The following CARD18 variants were observed in gnomAD, a reference collection of about 807,000 sequenced individuals.
The protein encoded by CARD18 is caspase recruitment domain-containing protein 18.
Under a neutral mutation model 7.9 loss-of-function variants are expected in CARD18, and 7 were observed. The ratio of observed to expected loss-of-function variants is 0.88; its 90% CI spans 0.50 to 1.66. CARD18 has a LOEUF of 1.66. CARD18 is among the 40% of genes most tolerant of loss of function. The probability of loss-of-function intolerance (pLI) is 0.00; values close to 1 mark genes in which losing one functional copy is unlikely to be tolerated. For missense variants in CARD18, 134 were observed against 105.5 expected (o/e 1.27, Z -1.18); for synonymous variants, 34 against 34.8 (o/e 0.98, Z 0.08).
rs979825846 is a variant in CARD18, at chr11:105,138,994, T to A, written c.92A>T (p.Glu31Val). The A allele has an allele frequency of 1.2e-5, 20 of 1,613,576 alleles. No homozygotes were observed. Among genetic ancestry groups the A allele is most frequent in the Non-Finnish European group, 1.4e-5 (17 of 1,179,722 alleles). ...GTCTTCCTGGCTAATAACTTCATCC[T>A]CTAATAGGCAATCCAGCAAGGCATT... ...TINALLDCLL[E>V]DEVISQEDMN... The change falls in exon 2 of 3, where the codon GAG becomes GTG. Residue 31 changes from glutamate to valine, a missense_variant. Transcript: ENST00000530950.
At chr11:105,138,598 G>A (rs1865434667) in intron 2 of CARD18, among the ~76,000 whole-genome samples, 1 of 152,090 alleles carries the variant, frequency 6.6e-6, no homozygotes. Flanking sequence ...TTAGAGATGA[G>A]CTGTGGTCAG....
chr11:105,138,804 CACCTT>C lies in CARD18; in HGVS notation c.*1+3_*1+7del, dbSNP rs754478153. 5 of 1,612,664 alleles carry C rather than the reference CACCTT, an allele frequency of 3.1e-6. No homozygotes were observed. The Middle Eastern group carries it at 6.6e-4, about 213-fold the overall frequency. On this transcript the variant is annotated splice_donor_5th_base_variant and intron_variant, in intron 2 of 2. Coordinates refer to ENST00000530950, the MANE Select transcript of CARD18 (RefSeq NM_021571.4). Reference sequence around the variant, plus strand: ...ATTTGGACATTAGGTTGAATCATTCCACCTTACCTTAGTGCAAACCCATCTTTGAG... The same window carrying C: ...ATTTGGACATTAGGTTGAATCATTCCACCTTAGTGCAAACCCATCTTTGAG...
In CARD18 at chr11:105,138,768, A is replaced by C. The variant is rs186990415; in HGVS notation, c.*1+44T>G. 4.4e-6 allele frequency: 7 copies of C among 1,598,580 alleles called. No individual in the cohort carries two copies. The East Asian group carries it at 1.3e-4, about 31-fold the overall frequency. On this transcript the variant is annotated intron_variant, in intron 2 of 2. Transcript: ENST00000530950. ...GAAGAAAATCATAACTGAATTCAAGATACAGGGCCTATTTGGACATTAGGT... is the reference window on the plus strand; with the variant it reads ...GAAGAAAATCATAACTGAATTCAAGCTACAGGGCCTATTTGGACATTAGGT...
intron 2 of CARD18, 113 bp downstream of exon 2, chr11:105,138,699 A>C: frequency 1.7e-6 from 2 of 1,194,726 alleles, no homozygotes. Flanking sequence ...ATGGAGTCTG[A>C]GGCTAAAATG....
chr11:105,138,785 A>C, intron 2 of CARD18, 27 bp downstream of exon 2: 1 of 1,609,774 alleles, frequency 6.2e-7, no homozygotes, highest in Non-Finnish European at 8.5e-7. Context: ...GCCTATTTGG[A>C]CATTAGGTTG....
Position 105,139,738 on chromosome 11 carries a change from T to TTGGCACTTGCAATGTGTG in CARD18, c.-30_-13dup, listed in dbSNP as rs747719625. On this transcript the variant is annotated 5_prime_UTR_variant, in exon 1 of 3. Transcript: ENST00000530950. ...GACTCACCAGCCATGGCTCCTCACG[T>TTGGCACTTGCAATGTGTG]TGGCACTTGCAATGTGTGTTACACT... is the stretch of plus-strand genomic sequence containing the variant. 3.1e-6 allele frequency: 5 copies of TTGGCACTTGCAATGTGTG among 1,598,964 alleles called. No homozygotes were observed. The highest frequency in any genetic ancestry group is 3.4e-6 in the Non-Finnish European group (4 of 1,179,372).
At chr11:105,138,359 A>G (rs1251797952) in intron 2 of CARD18, among the ~76,000 whole-genome samples, 1 of 152,196 alleles carries the variant, frequency 6.6e-6, no homozygotes, top group Non-Finnish European at 1.5e-5. Context: ...TTCTTTGACA[A>G]TTCCATCATC....
rs191912274 is a variant in CARD18 at position 105,138,926 on chromosome 11, C to A, written c.160G>T (p.Ala54Ser). The part of the protein sequence containing the change: ...RDENDTVMDK[A>S]RVLIDLVTGK... ...GTAACAAGGTCAATCAAGACTCGAG[C>A]CTTATCCATGACAGTGTCATTTTCA... The change falls in exon 2 of 3, where the codon GCT becomes TCT. Residue 54 changes from alanine to serine, a missense_variant. Transcript: ENST00000530950. 8.0e-4 allele frequency: 1,297 copies of A among 1,613,716 alleles called. 1 individual carries two copies. Among genetic ancestry groups the A allele is most frequent in the Non-Finnish European group, 1.0e-3 (1,220 of 1,179,742 alleles).
intron 1 of CARD18, 29 bp from the exon 2 acceptor site, chr11:105,139,107 A>G (rs1294001823): frequency 6.3e-7 from 1 of 1,599,158 alleles, no homozygotes; most frequent in Non-Finnish European, 8.5e-7. Context: ...TTCCTCAAAT[A>G]ATGAACATGA....
chr11:105,138,567 T>C (rs1486491731), intron 2 of CARD18, among the ~76,000 whole-genome samples: 1 of 152,066 alleles, frequency 6.6e-6, no homozygotes, highest in Non-Finnish European at 1.5e-5. Context: ...ACTACAGTAA[T>C]GATCTACCAC....
intron 1 of CARD18, 79 bp downstream of exon 1, chr11:105,139,641 A>G: frequency 6.6e-7 from 1 of 1,526,600 alleles, no homozygotes; most frequent in Non-Finnish European, 9.0e-7. Flanking sequence ...ACAAACCTTC[A>G]CAAAGCCTAA....
rs994394358 is a variant in CARD18, at chr11:105,138,891, T to A, written c.195A>T (p.Gly65=). The part of the protein sequence containing the change: ...RVLIDLVTGK[G]PKSCCKFIKH... ...TGATAAATTTGCAGCAAGACTTGGG[T>A]CCTTTTCCAGTAACAAGGTCAATCA... is the stretch of plus-strand genomic sequence containing the variant. Residue 65 remains glycine (G), a synonymous_variant, in exon 2 of 3, where the codon GGA becomes GGT. Transcript: ENST00000530950. 3.1e-5 allele frequency: 50 copies of A among 1,613,628 alleles called. 1 individual carries two copies. The highest frequency in any genetic ancestry group is 1.6e-4 in the Middle Eastern group (1 of 6,078).
At position 105,138,276 on chromosome 11, in the gene CARD18, G is replaced by A. The variant is rs890918689; in HGVS notation, c.*2-178C>T. 2.0e-5 allele frequency among the ~76,000 whole-genome samples: 3 copies of A among 152,052 alleles called. No homozygotes were observed. In the East Asian group the frequency reaches 5.8e-4, roughly 29 times the overall value. On this transcript the variant is annotated intron_variant, in intron 2 of 2. Transcript: ENST00000530950. ...AAAGGCAAAGGAGATGACTTCCAAC[G>A]AGAATCCATATATAATTTCATGCAA...
At position 105,138,857 on chromosome 11, in the gene CARD18, A is replaced by G; in HGVS notation, c.229T>C (p.Cys77Arg). The change falls in exon 2 of 3, where the codon TGT becomes CGT. Residue 77 changes from cysteine (C) to arginine (R), a missense_variant. Coordinates refer to ENST00000530950, the MANE Select transcript of CARD18 (RefSeq NM_021571.4). ...KSCCKFIKHL[C>R]EEDPQLASKM... ...GAGGCAAGTTGAGGGTCTTCTTCAC[A>G]GAGATGCTTGATAAATTTGCAGCAA... 1.2e-6 allele frequency: 2 copies of G among 1,613,738 alleles called. No homozygotes were observed. Among genetic ancestry groups the G allele is most frequent in the Non-Finnish European group, 1.7e-6 (2 of 1,179,700 alleles).
chr11:105,138,943 T>C lies in CARD18; in HGVS notation c.143A>G (p.Asp48Gly). ...EDMNKVRDEN[D>G]TVMDKARVLI... The stretch of plus-strand genomic sequence containing the variant: ...GACTCGAGCCTTATCCATGACAGTG[T>C]CATTTTCATCTCTCACTTTGTTCAT... The change falls in exon 2 of 3, where the codon GAC becomes GGC. Residue 48 changes from aspartate (D) to glycine (G), a missense_variant. Physicochemically the swap from Asp to Gly is moderately conservative, Grantham distance 94. Transcript: ENST00000530950. The C allele has an allele frequency of 6.2e-7, 1 of 1,613,774 alleles. No individual in the cohort carries two copies.
rs932827597 is a variant in CARD18, at chr11:105,137,797, T to A, written c.*303A>T. 6.6e-6 allele frequency: 1 copy of A among 152,062 alleles called. No individual in the cohort carries two copies. The highest frequency in any genetic ancestry group is 2.4e-5 in the African/African-American group (1 of 41,396). 9.4% of individuals were successfully genotyped at this position (152,062 alleles called of 1,614,324 possible). A position where few individuals can be genotyped will look rare whatever the true frequency, so the allele number is the denominator to read the frequency against. The stretch of plus-strand genomic sequence containing the variant: ...AAAGCACCAAAGTAAGCTGTACATG[T>A]CTCTACAGGATTGCAAAGGAACTAA... On this transcript the variant is annotated 3_prime_UTR_variant, in exon 3 of 3. Transcript: ENST00000530950.
intron 1 of CARD18, 125 bp downstream of exon 1, chr11:105,139,595 C>T (rs1411271834): frequency 9.8e-7 from 1 of 1,019,962 alleles, no homozygotes; most frequent in Non-Finnish European, 1.5e-6. Context: ...CCTGCCTCTC[C>T]CTTCTTCTTT....
chr11:105,139,470 C>A, intron 1 of CARD18: 1 of 567,764 alleles, frequency 1.8e-6, no homozygotes, highest in Non-Finnish European at 3.1e-6. Flanking sequence ...CTACATAACT[C>A]TTCAAATGTG....
intron 1 of CARD18, 173 bp from the exon 2 acceptor site, chr11:105,139,251 C>T: frequency 1.5e-6 from 1 of 669,032 alleles, no homozygotes; most frequent in Admixed American, 3.1e-5. Flanking sequence ...CTAGCATTAC[C>T]TACATATGCT....
Sources: allele counts gnomAD v4.1 joint callset (sites outside exome capture counted in the v4.1 genomes callset), GRCh38; gene constraint gnomAD v4.1.1; transcripts MANE v1.5; gene names NCBI Gene and HGNC (gene_info 2026-07-23, HGNC 2026-07-21).